C2CD3: variants seen among roughly 807,000 people sequenced by gnomAD.
The protein encoded by C2CD3 is C2 domain containing 3 centriole elongation regulator.
A neutral mutation model predicts 234.0 loss-of-function variants in C2CD3; 148 were observed. That is an observed-to-expected ratio of 0.63 (90% CI 0.55 to 0.72). The LOEUF (loss-of-function observed/expected upper bound fraction) is 0.72. Among genes scored for constraint, C2CD3 ranks in the 30% least tolerant of loss-of-function variants. The probability of loss-of-function intolerance (pLI) is 0.00; values close to 1 mark genes in which losing one functional copy is unlikely to be tolerated. For missense variants in C2CD3, 2,577 were observed against 2,811.5 expected (o/e 0.92, Z 1.89); for synonymous variants, 1,000 against 1,035.4 (o/e 0.97, Z 0.66).
intron 24 of C2CD3, among the ~76,000 whole-genome samples, chr11:74,063,134 A>G (rs919979321): frequency 2.0e-5 from 3 of 152,236 alleles, no homozygotes; most frequent in African/African-American, 7.2e-5. Flanking sequence ...TGAGGCAATA[A>G]TTAATAGCCT....
At chr11:74,041,966 G>T in intron 29 of C2CD3, 88 bp downstream of exon 29, 1 of 1,343,422 alleles carries the variant, frequency 7.4e-7, no homozygotes, top group Non-Finnish European at 1.0e-6. Context: ...GGTGGCAGGT[G>T]ATGGAAAAGC....
At chr11:74,154,888 A>G (rs571467451) in intron 3 of C2CD3, among the ~76,000 whole-genome samples, 7 of 152,376 alleles carry the variant, frequency 4.6e-5, no homozygotes, top group South Asian at 2.1e-4. Flanking sequence ...TCTCAATTAG[A>G]TATCAGTACA....
In C2CD3 at chr11:74,013,466, G is replaced by C. The variant is rs1397490697; in HGVS notation, c.6981C>G (p.Asn2327Lys). Residue 2327 changes from asparagine (N) to lysine (K), a missense_variant, in exon 33 of 33, where the codon AAC becomes AAG. Physicochemically the swap from Asn to Lys is moderately conservative, Grantham distance 94. Coordinates refer to ENST00000334126, the MANE Select transcript of C2CD3 (RefSeq NM_001286577.2). ...LSQRPCRPRP[N>K]SLPLNLPEEE... is the part of the protein sequence containing the mutation. Reference sequence around the variant, plus strand: ...CCTCAGGCAGGTTGAGGGGGAGCGAGTTAGGTCTGGGGCGACAAGGCCTTT... The same window carrying C: ...CCTCAGGCAGGTTGAGGGGGAGCGACTTAGGTCTGGGGCGACAAGGCCTTT... The C allele has an allele frequency of 7.0e-7, 1 of 1,430,944 alleles. No homozygotes were observed. The highest frequency in any genetic ancestry group is 1.5e-5 in the African/African-American group (1 of 68,152). 88.6% of individuals were successfully genotyped at this position (1,430,944 alleles called of 1,614,324 possible). A position where few individuals can be genotyped will look rare whatever the true frequency, so the allele number is the denominator to read the frequency against.
rs768802222 is a variant in C2CD3 at position 74,078,692 on chromosome 11, A to G, written c.4026T>C (p.Ile1342=). Residue 1342 remains isoleucine (I), a synonymous_variant, in exon 23 of 33, where the codon ATT becomes ATC. Transcript: ENST00000334126. ...GAGGTAGGCCCCCGTCTTCTGGTAA[A>G]ATGATAGGATACCATCCTGTGATCC... ...RSGITGWYPI[I]LPEDGGLPHG... is the part of the protein sequence containing the mutation. The G allele has an allele frequency of 6.2e-6, 10 of 1,609,872 alleles. No homozygotes were observed. The South Asian group carries it at 1.1e-4, about 18-fold the overall frequency.
intron 15 of C2CD3, among the ~76,000 whole-genome samples, chr11:74,098,554 G>A (rs1956197245): frequency 6.6e-6 from 1 of 152,146 alleles, no homozygotes; most frequent in Non-Finnish European, 1.5e-5. Context: ...TTGCTAAACT[G>A]CATTATTTTA....
Position 74,078,388 on chromosome 11 carries a change from G to T in C2CD3, c.4330C>A (p.His1444Asn). Residue 1444 changes from histidine (H) to asparagine (N), a missense_variant, in exon 23 of 33, where the codon CAT becomes AAT. By Grantham distance (68) the His-to-Asn change is moderately conservative. Coordinates refer to ENST00000334126, the MANE Select transcript of C2CD3 (RefSeq NM_001286577.2). ...YCYLRYKFYD[H>N]EAFWTPLKKP... ...TTGAGAGGGGTCCAAAAGGCTTCAT[G>T]ATCATAGAACTTGTAGCGAAGGTAG... 6.2e-7 allele frequency: 1 copy of T among 1,614,164 alleles called. No homozygotes were observed. Among genetic ancestry groups the T allele is most frequent in the South Asian group, 1.1e-5 (1 of 91,074 alleles).
intron 31 of C2CD3, among the ~76,000 whole-genome samples, chr11:74,029,812 G>A (rs764997613): frequency 6.6e-6 from 1 of 152,218 alleles, no homozygotes; most frequent in South Asian, 2.1e-4. Flanking sequence ...CTGGAGTGCA[G>A]TGGCGTGATC....
intron 28 of C2CD3, among the ~76,000 whole-genome samples, chr11:74,047,465 C>CA (rs1051705429): frequency 6.6e-5 from 10 of 152,196 alleles, no homozygotes; most frequent in African/African-American, 2.2e-4. Context: ...TAGGAATTGA[C>CA]AGATACATAG....
Position 74,085,724 on chromosome 11 carries a change from T to C in C2CD3, c.3804A>G (p.Thr1268=), listed in dbSNP as rs145343753. ...TACAGTGCTGAGTCACCAAGTTACA[T>C]GTGAACTCAACGTGATGGGAGAACT... is the stretch of plus-strand genomic sequence containing the variant. The part of the protein sequence containing the change: ...CPEFSHHVEF[T]CNLVTQHCSG... Residue 1268 remains threonine, a synonymous_variant, in exon 21 of 33, where the codon ACA becomes ACG. Coordinates refer to ENST00000334126, the MANE Select transcript of C2CD3 (RefSeq NM_001286577.2). 18 of 1,614,008 alleles carry C rather than the reference T, an allele frequency of 1.1e-5. No homozygotes were observed. The highest frequency in any genetic ancestry group is 1.6e-4 in the Middle Eastern group (1 of 6,084).
chr11:74,029,498 G>C (rs928142899), intron 31 of C2CD3, among the ~76,000 whole-genome samples: 2 of 152,226 alleles, frequency 1.3e-5, no homozygotes, highest in Non-Finnish European at 2.9e-5. Flanking sequence ...GTAGAGAGGT[G>C]GGGGAGGAAT....
At chr11:74,035,374 G>A (rs1029261248) in intron 30 of C2CD3, among the ~76,000 whole-genome samples, 1 of 152,174 alleles carries the variant, frequency 6.6e-6, no homozygotes, top group African/African-American at 2.4e-5. Context: ...AGCCTTCAAG[G>A]CCATGTTCTA....
Position 74,170,775 on chromosome 11 carries a change from G to C in C2CD3, c.18C>G (p.Gly6=). The change falls in exon 1 of 33, where the codon GGC becomes GGG. Residue 6 remains glycine, a synonymous_variant. Coordinates refer to ENST00000334126, the MANE Select transcript of C2CD3 (RefSeq NM_001286577.2). ...GCCCACGGCTGCCCCCAGACCCTTG[G>C]CCTTTTCGTTGTTTCATGATGAGCC... MKQRK[G]QGSGGSRGRK... is the part of the protein sequence containing the mutation. The C allele has an allele frequency of 6.2e-7, 1 of 1,614,098 alleles. No individual in the cohort carries two copies. The highest frequency in any genetic ancestry group is 1.1e-5 in the South Asian group (1 of 91,080).
At chr11:74,151,625 C>A (rs1855668380) in intron 3 of C2CD3, among the ~76,000 whole-genome samples, 1 of 151,956 alleles carries the variant, frequency 6.6e-6, no homozygotes. Flanking sequence ...ACGTGCCTGG[C>A]AGACAACACT....
At position 74,138,799 on chromosome 11, in the gene C2CD3, T is replaced by C; in HGVS notation, c.876A>G (p.Gln292=). The C allele has an allele frequency of 3.1e-6, 5 of 1,613,736 alleles. No individual in the cohort carries two copies. Among genetic ancestry groups the C allele is most frequent in the Non-Finnish European group, 4.2e-6 (5 of 1,179,628 alleles). The change falls in exon 5 of 33, where the codon CAA becomes CAG. Residue 292 remains glutamine, a synonymous_variant. Transcript: ENST00000334126. Reference sequence around the variant, plus strand: ...TGTGACTCTTGGCAACTGTTCTAATTTGAGGCTGGAATTCAGAACTGTTCA... The same window carrying C: ...TGTGACTCTTGGCAACTGTTCTAATCTGAGGCTGGAATTCAGAACTGTTCA... ...SLLNSSEFQP[Q]IRTVAKSHSD...
chr11:74,156,468 A>G (rs1856031847), intron 3 of C2CD3, among the ~76,000 whole-genome samples: 1 of 150,050 alleles, frequency 6.7e-6, no homozygotes, highest in Admixed American at 6.6e-5. Flanking sequence ...TCAAAAAAAA[A>G]AAAAAAAAAA....
intron 23 of C2CD3, among the ~76,000 whole-genome samples, chr11:74,075,888 T>C (rs1428566076): frequency 6.6e-6 from 1 of 152,188 alleles, no homozygotes; most frequent in Non-Finnish European, 1.5e-5. Context: ...TGACATGCCT[T>C]GTATAAGACC....
In C2CD3 at chr11:74,048,204, C is replaced by T; in HGVS notation, c.5495+1G>A. On this transcript the variant is annotated splice_donor_variant, in intron 28 of 32. Transcript: ENST00000334126. LOFTEE classifies it high-confidence loss of function. Reference sequence around the variant, plus strand: ...CTTCTCATCATCAAGAATTCACTCACCTCCCAGGAGAGGAGAAATCAAGCT... The same window carrying T: ...CTTCTCATCATCAAGAATTCACTCATCTCCCAGGAGAGGAGAAATCAAGCT... 6.2e-7 allele frequency: 1 copy of T among 1,612,832 alleles called. No homozygotes were observed. The highest frequency in any genetic ancestry group is 8.5e-7 in the Non-Finnish European group (1 of 1,179,444).
At chr11:74,162,880 T>C (rs1009419644) in intron 2 of C2CD3, among the ~76,000 whole-genome samples, 3 of 152,232 alleles carry the variant, frequency 2.0e-5, no homozygotes, top group Non-Finnish European at 2.9e-5. Context: ...GGTTGGTCCC[T>C]GCCTCCCAGG....
At chr11:74,162,917 A>G (rs1287472955) in intron 2 of C2CD3, among the ~76,000 whole-genome samples, 3 of 152,166 alleles carry the variant, frequency 2.0e-5, no homozygotes, top group Admixed American at 6.5e-5. Flanking sequence ...CTCTTGGGTT[A>G]TATCTGGACC....
Sources: gnomAD v4.1 joint callset for allele counts (sites outside exome capture counted in the v4.1 genomes callset) on GRCh38, gnomAD v4.1.1 for gene constraint, MANE v1.5 for transcripts, NCBI Gene and HGNC (gene_info 2026-07-23, HGNC 2026-07-21) for gene names.